Variants in NFIB observed in about 807,000 individuals in gnomAD.
The protein encoded by NFIB is nuclear factor I B, also known as nuclear factor 1 B-type.
NFIB carries 11 observed loss-of-function variants against 61.5 expected under a neutral mutation model. The observed-to-expected ratio is 0.18, with a 90% CI of 0.11 to 0.30. The LOEUF (loss-of-function observed/expected upper bound fraction) is 0.30. Ranked by LOEUF, NFIB falls within the 10% of genes least tolerant of loss-of-function variation. NFIB has a pLI of 1.00. For missense variants in NFIB, 471 were observed against 608.9 expected (o/e 0.77, Z 2.38); for synonymous variants, 260 against 216.5 (o/e 1.20, Z -1.76).
chr9:14,369,768 T>C (rs574834288), intron 1 of NFIB, among the ~76,000 whole-genome samples: 1 of 152,316 alleles, frequency 6.6e-6, no homozygotes, highest in South Asian at 2.1e-4. Context: ...CATCACAGCT[T>C]CTACTCCTTA....
intron 1 of NFIB, chr9:14,308,133 A>G (rs2060110812): frequency 6.6e-6 from 1 of 152,234 alleles, no homozygotes; most frequent in Admixed American, 6.5e-5. Context: ...ATTAAACTTG[A>G]TCCATTTTCT....
chr9:14,155,908 T>C lies in NFIB; in HGVS notation c.617-15A>G, dbSNP rs1227966373. 3 of 1,470,692 alleles carry C rather than the reference T, an allele frequency of 2.0e-6. No homozygotes were observed. Among genetic ancestry groups the C allele is most frequent in the Non-Finnish European group, 2.8e-6 (3 of 1,068,508 alleles). The allele number at this position is 1,470,692 out of a possible 1,614,324, so 91.1% of individuals were successfully genotyped here. ...CTCAAGGTAACCTGAAAATAAATAT[T>C]AAAGGAAAAATGATCAATATAAGCA... On this transcript the variant is annotated splice_polypyrimidine_tract_variant and intron_variant, in intron 3 of 10. Transcript: ENST00000380953.
the NFIB span, among the ~76,000 whole-genome samples, chr9:14,414,063 T>C: frequency 6.6e-6 from 1 of 152,148 alleles, no homozygotes; most frequent in African/African-American, 2.4e-5. Context: ...AAATAGCTGA[T>C]TAATTTATAT....
chr9:14,254,289 ACACT>A (rs2055976865), intron 2 of NFIB, among the ~76,000 whole-genome samples: 1 of 105,608 alleles, frequency 9.5e-6, no homozygotes, highest in Non-Finnish European at 2.1e-5. Flanking sequence ...CAACAGAGTG[ACACT>A]GTCTCAAAAA....
At chr9:14,261,903 A>C (rs974485328) in intron 2 of NFIB, among the ~76,000 whole-genome samples, 1 of 152,164 alleles carries the variant, frequency 6.6e-6, no homozygotes, top group Non-Finnish European at 1.5e-5. Context: ...TGAGGCAGAT[A>C]AGGGAACTTC....
intron 1 of NFIB, among the ~76,000 whole-genome samples, chr9:14,363,615 A>T (rs969189723): frequency 2.2e-4 from 27 of 123,816 alleles, no homozygotes; most frequent in Non-Finnish European, 4.4e-4. Flanking sequence ...ATATATGTGC[A>T]TGTATATGTG....
chr9:14,495,942 G>C, the NFIB span, among the ~76,000 whole-genome samples: 1 of 152,060 alleles, frequency 6.6e-6, no homozygotes, highest in Non-Finnish European at 1.5e-5. Flanking sequence ...CAATTACTTA[G>C]TAACTTAGAA....
chr9:14,404,007 C>T, the NFIB span, among the ~76,000 whole-genome samples: 1 of 152,250 alleles, frequency 6.6e-6, no homozygotes, highest in South Asian at 2.1e-4. Context: ...TCAGTATATC[C>T]TTCTGAAAGA....
At chr9:14,187,313 T>C (rs896423410) in intron 2 of NFIB, among the ~76,000 whole-genome samples, 10 of 152,154 alleles carry the variant, frequency 6.6e-5, no homozygotes, top group African/African-American at 2.4e-4. Flanking sequence ...TAAGAGAAAT[T>C]AGACCTCTCT....
At chr9:14,145,855 C>T (rs576737011) in intron 6 of NFIB, among the ~76,000 whole-genome samples, 3 of 151,670 alleles carry the variant, frequency 2.0e-5, no homozygotes, top group Admixed American at 6.6e-5. Flanking sequence ...GGTCTTGCCA[C>T]ATTGCCCAGG....
chr9:14,189,553 T>C (rs78087355), intron 2 of NFIB, among the ~76,000 whole-genome samples: 17,296 of 151,330 alleles, frequency 0.11, 1,368 homozygotes, highest in East Asian at 0.37. Context: ...GAGATATATA[T>C]ATTTAATGTT....
intron 1 of NFIB, among the ~76,000 whole-genome samples, chr9:14,377,062 C>T (rs776573802): frequency 3.9e-4 from 60 of 152,236 alleles, no homozygotes; most frequent in African/African-American, 1.4e-3. Context: ...AGATTCTTTC[C>T]CTCCATGAAG....
At chr9:14,289,045 C>G (rs1019458677) in intron 2 of NFIB, among the ~76,000 whole-genome samples, 4 of 148,068 alleles carry the variant, frequency 2.7e-5, no homozygotes, top group African/African-American at 1.0e-4. Flanking sequence ...TATATTATAT[C>G]TTGTCCTTTT....
At chr9:14,259,307 G>A (rs879772521) in intron 2 of NFIB, among the ~76,000 whole-genome samples, 5 of 152,170 alleles carry the variant, frequency 3.3e-5, no homozygotes, top group Non-Finnish European at 7.4e-5. Context: ...CAGATGTCTA[G>A]GAAAGAAATT....
the NFIB span, among the ~76,000 whole-genome samples, chr9:14,497,104 T>C: frequency 6.6e-6 from 1 of 152,234 alleles, no homozygotes; most frequent in Non-Finnish European, 1.5e-5. Flanking sequence ...ACTACTTGAA[T>C]AGAATGCCAA....
At chr9:14,192,229 G>C (rs2048024355) in intron 2 of NFIB, among the ~76,000 whole-genome samples, 1 of 152,134 alleles carries the variant, frequency 6.6e-6, no homozygotes, top group African/African-American at 2.4e-5. Flanking sequence ...ATTGTTCATG[G>C]ATATTTTGCA....
At chr9:14,231,135 A>AAAATATATATAT (rs55959148) in intron 2 of NFIB, among the ~76,000 whole-genome samples, 3 of 35,344 alleles carry the variant, frequency 8.5e-5, no homozygotes, top group East Asian at 8.5e-4. Context: ...AAAAAAAAAA[A>AAAATATATATAT]ATATATATAT....
rs138764748 is a variant in NFIB, at chr9:14,228,730, A to C, written c.563-48950T>G. On this transcript the variant is annotated intron_variant, in intron 2 of 10. Coordinates refer to ENST00000380953, the MANE Select transcript of NFIB (RefSeq NM_001190737.2). ...TTACCACTACGTAAGAAAGGATCTGACTGTTTGGCTTTTTCAGTCCATCTG... is the reference window on the plus strand; with the variant it reads ...TTACCACTACGTAAGAAAGGATCTGCCTGTTTGGCTTTTTCAGTCCATCTG... Among the ~76,000 whole-genome samples the C allele has an allele frequency of 2.8e-3, 419 of 152,310 alleles. 2 individuals are homozygous for C. The highest frequency in any genetic ancestry group is 0.012 in the South Asian group (60 of 4,820).
chr9:14,490,570 T>G, the NFIB span, among the ~76,000 whole-genome samples: 1 of 152,094 alleles, frequency 6.6e-6, no homozygotes, highest in Non-Finnish European at 1.5e-5. Flanking sequence ...AAAGGCTTAG[T>G]ATTCAGACTA....
Sources: gnomAD v4.1 joint callset for allele counts (sites outside exome capture counted in the v4.1 genomes callset) on GRCh38, gnomAD v4.1.1 for gene constraint, MANE v1.5 for transcripts, NCBI Gene and HGNC (gene_info 2026-07-23, HGNC 2026-07-21) for gene names.